The following FNBP1L variants were observed in gnomAD, a reference collection of about 807,000 sequenced individuals.
The protein encoded by FNBP1L is formin-binding protein 1-like.
A neutral mutation model predicts 91.2 loss-of-function variants in FNBP1L; 36 were observed. The observed-to-expected ratio is 0.39, with a 90% CI of 0.30 to 0.52. The LOEUF (loss-of-function observed/expected upper bound fraction) is 0.52. Ranked by LOEUF, FNBP1L falls within the 20% of genes least tolerant of loss-of-function variation. The probability of loss-of-function intolerance (pLI) is 0.66; values close to 1 mark genes in which losing one functional copy is unlikely to be tolerated. For missense variants in FNBP1L, 571 were observed against 732.1 expected, an observed-to-expected ratio of 0.78 and a Z score of 2.54; for synonymous variants, 242 against 237.0, an observed-to-expected ratio of 1.02 and a Z score of -0.19.
intron 2 of FNBP1L, among the ~76,000 whole-genome samples, chr1:93,506,355 C>T (rs1031116944): frequency 1.3e-5 from 2 of 152,110 alleles, no homozygotes; most frequent in Admixed American, 6.5e-5. Context: ...AGTTTTATGT[C>T]TTAGAGATTC....
intron 1 of FNBP1L, 35 bp from the exon 2 acceptor site, chr1:93,499,433 A>G: frequency 7.5e-7 from 1 of 1,341,790 alleles, no homozygotes; most frequent in Non-Finnish European, 1.0e-6. Context: ...AAAATTTTAG[A>G]CTTTTGAAAA....
intron 2 of FNBP1L, among the ~76,000 whole-genome samples, chr1:93,515,806 G>A (rs1477525113): frequency 6.6e-6 from 1 of 151,720 alleles, no homozygotes; most frequent in Non-Finnish European, 1.5e-5. Flanking sequence ...GGAGATATAC[G>A]TAATGCTAGA....
intron 8 of FNBP1L, among the ~76,000 whole-genome samples, chr1:93,533,883 T>C (rs1671763229): frequency 6.6e-6 from 1 of 152,256 alleles, no homozygotes; most frequent in East Asian, 1.9e-4. Context: ...GTAGCATTAC[T>C]GACAAAAGTA....
chr1:93,544,907 G>A (rs916216342), intron 12 of FNBP1L, among the ~76,000 whole-genome samples: 1 of 152,112 alleles, frequency 6.6e-6, no homozygotes, highest in African/African-American at 2.4e-5. Flanking sequence ...GTTCTGTAAA[G>A]TCACTGTGAA....
rs1483774201 is a variant in FNBP1L at position 93,532,978 on chromosome 1, A to G, written c.696A>G (p.Gly232=). The change falls in exon 8 of 17, where the codon GGA becomes GGG. Residue 232 remains glycine (G), a synonymous_variant. Transcript: ENST00000271234. ...TTAAACTCAGTGAGTGTTACAGAGGATTTGCTGACTCAGAACGCAAAGTTA... is the reference window on the plus strand; with the variant it reads ...TTAAACTCAGTGAGTGTTACAGAGGGTTTGCTGACTCAGAACGCAAAGTTA... ...RTIKLSECYR[G]FADSERKVIP... 1.2e-6 allele frequency: 2 copies of G among 1,613,444 alleles called. No individual in the cohort carries two copies. The highest frequency in any genetic ancestry group is 1.7e-6 in the Non-Finnish European group (2 of 1,179,552).
chr1:93,484,677 A>C (rs1408360631), intron 1 of FNBP1L, among the ~76,000 whole-genome samples: 2 of 152,234 alleles, frequency 1.3e-5, no homozygotes, highest in Non-Finnish European at 2.9e-5. Context: ...CTATGGAAGC[A>C]AATGACTTGA....
intron 7 of FNBP1L, among the ~76,000 whole-genome samples, chr1:93,532,223 C>G (rs552029628): frequency 6.6e-6 from 1 of 152,098 alleles, no homozygotes; most frequent in Non-Finnish European, 1.5e-5. Flanking sequence ...AATCCCAGCA[C>G]TTTGGGAGGC....
At chr1:93,468,705 AC>A (rs1669181618) in intron 1 of FNBP1L, among the ~76,000 whole-genome samples, 1 of 152,316 alleles carries the variant, frequency 6.6e-6, no homozygotes, top group Non-Finnish European at 1.5e-5. Context: ...TGCTAGGATT[AC>A]AGGTGTAAGC....
chr1:93,512,801 A>ATT (rs1670909213), intron 2 of FNBP1L, among the ~76,000 whole-genome samples: 1 of 152,126 alleles, frequency 6.6e-6, no homozygotes, highest in Non-Finnish European at 1.5e-5. Context: ...ATAGCACTAA[A>ATT]TGCCCACAAG....
intron 2 of FNBP1L, among the ~76,000 whole-genome samples, chr1:93,504,743 G>T (rs1357014695): frequency 6.6e-6 from 1 of 152,148 alleles, no homozygotes; most frequent in Non-Finnish European, 1.5e-5. Context: ...TATCTTTGGA[G>T]AAATGTCTAT....
intron 2 of FNBP1L, among the ~76,000 whole-genome samples, chr1:93,500,670 A>C: frequency 6.7e-6 from 1 of 150,364 alleles, no homozygotes; most frequent in Admixed American, 6.6e-5. Context: ...TAGTTACTTA[A>C]AATTAATTTA....
At chr1:93,487,989 T>A (rs1042329433) in intron 1 of FNBP1L, among the ~76,000 whole-genome samples, 4 of 152,196 alleles carry the variant, frequency 2.6e-5, no homozygotes, top group Admixed American at 2.0e-4. Flanking sequence ...AAGCCAAAAC[T>A]TTTTTCTTCC....
chr1:93,474,628 G>GTAAA (rs1411319259), intron 1 of FNBP1L, among the ~76,000 whole-genome samples: 2 of 152,144 alleles, frequency 1.3e-5, no homozygotes, highest in African/African-American at 4.8e-5. Context: ...GATTTACTAG[G>GTAAA]TCTGGAGAGT....
At chr1:93,487,767 C>T (rs1479799768) in intron 1 of FNBP1L, among the ~76,000 whole-genome samples, 1 of 152,302 alleles carries the variant, frequency 6.6e-6, no homozygotes, top group East Asian at 1.9e-4. Flanking sequence ...CCTCACTGGT[C>T]ACTCCTCAGT....
At chr1:93,465,296 T>C (rs995703719) in intron 1 of FNBP1L, among the ~76,000 whole-genome samples, 1 of 152,118 alleles carries the variant, frequency 6.6e-6, no homozygotes, top group South Asian at 2.1e-4. Context: ...GTTGGTTTGC[T>C]GCACCTATCA....
At chr1:93,549,196 T>C in intron 14 of FNBP1L, 82 bp from the exon 15 acceptor site, 1 of 1,187,516 alleles carries the variant, frequency 8.4e-7, no homozygotes, top group Non-Finnish European at 1.2e-6. Context: ...TTGGAATTGA[T>C]CCTGAGGTGA....
chr1:93,550,014 C>T (rs966194330), intron 15 of FNBP1L, among the ~76,000 whole-genome samples: 6 of 152,126 alleles, frequency 3.9e-5, no homozygotes, highest in Admixed American at 1.3e-4. Flanking sequence ...TTTTTAGTTC[C>T]TCTTTATCCT....
At chr1:93,476,766 TTCTC>T (rs1669510354) in intron 1 of FNBP1L, among the ~76,000 whole-genome samples, 1 of 152,040 alleles carries the variant, frequency 6.6e-6, no homozygotes, top group African/African-American at 2.4e-5. Flanking sequence ...GAGGGTGTCT[TTCTC>T]AATGAAAAAT....
chr1:93,473,198 G>C (rs1295567453), intron 1 of FNBP1L, among the ~76,000 whole-genome samples: 1 of 151,842 alleles, frequency 6.6e-6, no homozygotes, highest in Non-Finnish European at 1.5e-5. Flanking sequence ...GAAGTGTAAA[G>C]TAATTAACAA....
Sources: allele counts gnomAD v4.1 joint callset (sites outside exome capture counted in the v4.1 genomes callset), GRCh38; gene constraint gnomAD v4.1.1; transcripts MANE v1.5; gene names NCBI Gene and HGNC (gene_info 2026-07-23, HGNC 2026-07-21).